Variants in MIGA1 observed in about 807,000 individuals in gnomAD.
The protein encoded by MIGA1 is mitoguardin 1, also known as family with sequence similarity 73, member A.
Under a neutral mutation model 82.0 loss-of-function variants are expected in MIGA1, and 58 were observed. The ratio of observed to expected loss-of-function variants is 0.71; its 90% confidence interval spans 0.57 to 0.88. MIGA1 has a LOEUF of 0.88. Among genes scored for constraint, MIGA1 ranks in the 40% least tolerant of loss-of-function variants. The pLI is 0.00. For synonymous variants in MIGA1, 249 were observed against 253.6 expected (o/e 0.98, Z 0.17); for missense variants, 751 against 749.1 (o/e 1.00, Z -0.03).
chr1:77,791,807 A>G (rs1570922896), intron 2 of MIGA1, among the ~76,000 whole-genome samples: 1 of 151,636 alleles, frequency 6.6e-6, no homozygotes, highest in Non-Finnish European at 1.5e-5. Flanking sequence ...CAAGTGATCT[A>G]CCTGCCTCAG....
At chr1:77,823,076 C>T (rs1683887993) in intron 7 of MIGA1, among the ~76,000 whole-genome samples, 2 of 151,724 alleles carry the variant, frequency 1.3e-5, no homozygotes, top group South Asian at 2.1e-4. Context: ...CTCCTGACCT[C>T]GTGATCCTCC....
intron 12 of MIGA1, among the ~76,000 whole-genome samples, chr1:77,863,042 C>T (rs1460537470): frequency 1.3e-5 from 2 of 152,018 alleles, no homozygotes; most frequent in African/African-American, 4.8e-5. Flanking sequence ...CTTAATTTTT[C>T]CTTTTCTAGT....
intron 7 of MIGA1, among the ~76,000 whole-genome samples, chr1:77,831,008 C>T (rs1183453887): frequency 6.6e-6 from 1 of 152,116 alleles, no homozygotes; most frequent in Non-Finnish European, 1.5e-5. Flanking sequence ...TTCTTCAATA[C>T]CGAGCAATTA....
intron 7 of MIGA1, among the ~76,000 whole-genome samples, chr1:77,827,557 C>T (rs142683247): frequency 5.9e-5 from 9 of 152,244 alleles, no homozygotes; most frequent in East Asian, 5.8e-4. Context: ...CAGCCAGCTG[C>T]GTAGAGATTC....
intron 5 of MIGA1, chr1:77,811,820 G>A: frequency 2.0e-6 from 2 of 1,023,360 alleles, no homozygotes; most frequent in Non-Finnish European, 2.7e-6. Context: ...CCCTACCCCA[G>A]CAAGGCCGGG....
chr1:77,852,363 T>C (rs1685086737), intron 8 of MIGA1, among the ~76,000 whole-genome samples: 1 of 152,212 alleles, frequency 6.6e-6, no homozygotes, highest in Admixed American at 6.5e-5. Flanking sequence ...CAAGAAGACT[T>C]TGCCCTTTAG....
intron 7 of MIGA1, among the ~76,000 whole-genome samples, chr1:77,840,092 A>G (rs1161700531): frequency 1.3e-5 from 2 of 152,234 alleles, no homozygotes; most frequent in Non-Finnish European, 2.9e-5. Context: ...GCATGAAAGC[A>G]GTTAGTTTGG....
At chr1:77,806,872 C>A in intron 4 of MIGA1, 103 bp from the exon 5 acceptor site, 2 of 764,080 alleles carry the variant, frequency 2.6e-6, no homozygotes, top group Admixed American at 2.7e-5. Context: ...CATGGATTGT[C>A]TTACCACTAA....
At chr1:77,821,242 A>T (rs1003400276) in intron 7 of MIGA1, among the ~76,000 whole-genome samples, 5 of 151,902 alleles carry the variant, frequency 3.3e-5, no homozygotes, top group Non-Finnish European at 7.4e-5. Context: ...GTTCTTTGTT[A>T]TTGTTAGTTT....
Position 77,866,367 on chromosome 1 carries a change from G to A in MIGA1, c.1539G>A (p.Leu513=). ...TGGCTTCAAGTTGTTGGTCGGTGCT[G>A]AAACAGAAAAGACAACAGATGAAGG... is the stretch of plus-strand genomic sequence containing the variant. Residue 513 remains leucine, a synonymous_variant, in exon 14 of 16, where the codon CTG becomes CTA. Transcript: ENST00000370791. The A allele has an allele frequency of 6.8e-6, 11 of 1,614,042 alleles. No homozygotes were observed. Among genetic ancestry groups the A allele is most frequent in the Non-Finnish European group, 9.3e-6 (11 of 1,179,958 alleles).
chr1:77,872,199 G>A (rs1646850239), intron 14 of MIGA1, among the ~76,000 whole-genome samples: 2 of 152,024 alleles, frequency 1.3e-5, no homozygotes, highest in African/African-American at 4.8e-5. Flanking sequence ...AACTCCTAAG[G>A]GTCAAGTGAT....
Position 77,779,653 on chromosome 1 carries a change from T to A in MIGA1, c.-3T>A, listed in dbSNP as rs746883491. 1.3e-6 allele frequency: 2 copies of A among 1,576,876 alleles called. No individual in the cohort carries two copies. The highest frequency in any genetic ancestry group is 1.7e-6 in the Non-Finnish European group (2 of 1,161,032). Reference sequence around the variant, plus strand: ...CTGACCCCGGAAGGACTCCGCCTTCTCCATGTCAGACTGCTGCTCAGCGCC... The same window carrying A: ...CTGACCCCGGAAGGACTCCGCCTTCACCATGTCAGACTGCTGCTCAGCGCC... On this transcript the variant is annotated 5_prime_UTR_variant, in exon 1 of 16. Coordinates refer to ENST00000370791, the MANE Select transcript of MIGA1 (RefSeq NM_198549.4).
chr1:77,842,190 A>C (rs1285766150), intron 7 of MIGA1, among the ~76,000 whole-genome samples: 1 of 152,212 alleles, frequency 6.6e-6, no homozygotes, highest in Non-Finnish European at 1.5e-5. Context: ...TACTTATGAT[A>C]CATTTTGAAG....
rs558243249 is a variant in MIGA1, at chr1:77,794,290, A to G, written c.196-7041A>G. 3.3e-5 allele frequency among the ~76,000 whole-genome samples: 5 copies of G among 152,256 alleles called. No individual in the cohort carries two copies. In the South Asian group the frequency reaches 6.2e-4, roughly 19 times the overall value. On this transcript the variant is annotated intron_variant, in intron 2 of 15. Transcript: ENST00000370791. ...ACACTATAGACTTTATTTAGGTTTT[A>G]TTACTTTTTTCCACCTTATATCCTT...
At chr1:77,786,232 C>G (rs972456821) in intron 2 of MIGA1, among the ~76,000 whole-genome samples, 2 of 152,214 alleles carry the variant, frequency 1.3e-5, no homozygotes, top group African/African-American at 4.8e-5. Context: ...CTAGGCTGCA[C>G]ACAGCACGGG....
At chr1:77,787,038 C>T (rs181330615) in intron 2 of MIGA1, among the ~76,000 whole-genome samples, 13 of 152,266 alleles carry the variant, frequency 8.5e-5, no homozygotes, top group African/African-American at 2.2e-4. Flanking sequence ...ACAATCATGG[C>T]GGAAGGTGAA....
intron 2 of MIGA1, among the ~76,000 whole-genome samples, chr1:77,800,708 G>T (rs1570933776): frequency 6.6e-6 from 1 of 152,270 alleles, no homozygotes; most frequent in East Asian, 1.9e-4. Context: ...TTAGCACACT[G>T]CTTGAGGGAA....
At chr1:77,829,663 G>T (rs1684161996) in intron 7 of MIGA1, among the ~76,000 whole-genome samples, 1 of 152,046 alleles carries the variant, frequency 6.6e-6, no homozygotes, top group Non-Finnish European at 1.5e-5. Flanking sequence ...TAGAGACGGG[G>T]TTTCACCATG....
rs1685446062 is a variant in MIGA1 at position 77,861,314 on chromosome 1, G to A, written c.1366G>A (p.Ala456Thr). The A allele has an allele frequency of 2.5e-6, 4 of 1,602,516 alleles. No homozygotes were observed. The highest frequency in any genetic ancestry group is 1.1e-5 in the South Asian group (1 of 89,316). The change falls in exon 12 of 16, where the codon GCT becomes ACT. Residue 456 changes from alanine to threonine, a missense_variant. This residue lies in a region of MIGA1 where 265 missense variants were observed against 293.6 expected (regional missense o/e 0.90). Transcript: ENST00000370791. ...GGGTAGTACTGAAATGGAACTTGCT[G>A]CTAGAGGGGTAAATTCAAATTTTTT... is the stretch of plus-strand genomic sequence containing the variant.
Sources: allele counts gnomAD v4.1 joint callset (sites outside exome capture counted in the v4.1 genomes callset), GRCh38; gene constraint gnomAD v4.1.1; regional missense constraint gnomAD v4.1.1; transcripts MANE v1.5; gene names NCBI Gene and HGNC (gene_info 2026-07-23, HGNC 2026-07-21).